Variants in LAMA4 observed in about 807,000 individuals in gnomAD.
LAMA4 encodes the protein laminin subunit alpha-4.
Under a neutral mutation model 207.1 loss-of-function variants are expected in LAMA4, and 127 were observed. That is an observed-to-expected ratio of 0.61 (90% CI 0.53 to 0.71). LAMA4 has a LOEUF of 0.71. Among genes scored for constraint, LAMA4 ranks in the 30% least tolerant of loss-of-function variants. LAMA4 has a pLI of 0.00. For missense variants in LAMA4, 2,093 were observed against 2,246.5 expected (o/e 0.93, Z 1.38); for synonymous variants, 761 against 816.0 (o/e 0.93, Z 1.15).
intron 5 of LAMA4, among the ~76,000 whole-genome samples, chr6:112,197,830 G>C (rs1203805748): frequency 1.3e-5 from 2 of 152,138 alleles, no homozygotes; most frequent in Non-Finnish European, 2.9e-5. Flanking sequence ...CCAATTGTCT[G>C]TAATGTGTCA....
chr6:112,212,306 C>A (rs1296485877), intron 3 of LAMA4, among the ~76,000 whole-genome samples: 1 of 151,632 alleles, frequency 6.6e-6, no homozygotes. Context: ...TTACTGCAAC[C>A]TCCACTTCCT....
chr6:112,154,271 T>C (rs964699312), intron 16 of LAMA4, among the ~76,000 whole-genome samples: 3 of 150,404 alleles, frequency 2.0e-5, no homozygotes, highest in Non-Finnish European at 4.4e-5. Context: ...CTTCAGCAGA[T>C]GCAAACACTG....
At chr6:112,122,934 GATT>G (rs1562632232) in intron 31 of LAMA4, among the ~76,000 whole-genome samples, 1 of 152,184 alleles carries the variant, frequency 6.6e-6, no homozygotes, top group African/African-American at 2.4e-5. Flanking sequence ...GGAAATCCAT[GATT>G]ATACATGCCT....
At chr6:112,206,721 G>T (rs1784079065) in intron 4 of LAMA4, among the ~76,000 whole-genome samples, 1 of 152,198 alleles carries the variant, frequency 6.6e-6, no homozygotes, top group African/African-American at 2.4e-5. Context: ...TCTAGGTCAA[G>T]AGAAAGTCAA....
At chr6:112,109,916 TG>T (rs1266089638) in intron 38 of LAMA4, among the ~76,000 whole-genome samples, 4 of 152,216 alleles carry the variant, frequency 2.6e-5, no homozygotes, top group African/African-American at 9.6e-5. Flanking sequence ...TAATTTCACC[TG>T]GGCCTCACTT....
Position 112,122,003 on chromosome 6 carries a change from T to C in LAMA4, c.4475+11A>G. On this transcript the variant is annotated intron_variant, in intron 32 of 38. Transcript: ENST00000230538. ...TCATTAGGAGTCTAGGAGTATAGTGTGTTACTTTACTTGGCACCAAAATCT... is the reference window on the plus strand; with the variant it reads ...TCATTAGGAGTCTAGGAGTATAGTGCGTTACTTTACTTGGCACCAAAATCT... 1 of 1,608,916 alleles carries C rather than the reference T, an allele frequency of 6.2e-7. No homozygotes were observed. The highest frequency in any genetic ancestry group is 8.5e-7 in the Non-Finnish European group (1 of 1,175,332).
At chr6:112,221,001 G>A (rs1214228928) in intron 2 of LAMA4, among the ~76,000 whole-genome samples, 1 of 152,148 alleles carries the variant, frequency 6.6e-6, no homozygotes, top group South Asian at 2.1e-4. Context: ...CAGAATTTCT[G>A]TTGAGAAGCC....
chr6:112,189,509 T>A (rs1451803924), intron 6 of LAMA4, among the ~76,000 whole-genome samples: 1 of 152,170 alleles, frequency 6.6e-6, no homozygotes, highest in Non-Finnish European at 1.5e-5. Flanking sequence ...AGTCCAAAAA[T>A]GTCCTGGTAA....
intron 3 of LAMA4, among the ~76,000 whole-genome samples, chr6:112,211,581 G>A (rs1231239705): frequency 1.3e-5 from 2 of 152,192 alleles, no homozygotes; most frequent in South Asian, 4.1e-4. Context: ...AGTGTGTGAA[G>A]GCTATGTCTG....
At chr6:112,245,663 A>G (rs932962020) in intron 2 of LAMA4, among the ~76,000 whole-genome samples, 3 of 24,990 alleles carry the variant, frequency 1.2e-4, no homozygotes, top group Admixed American at 4.8e-4. Context: ...TGACTGGTCT[A>G]CTCTGCAAAG....
At chr6:112,195,944 C>A (rs1193981911) in intron 5 of LAMA4, among the ~76,000 whole-genome samples, 1 of 145,344 alleles carries the variant, frequency 6.9e-6, no homozygotes, top group Non-Finnish European at 1.5e-5. Context: ...TAAGTACACA[C>A]ACACACACAC....
chr6:112,153,659 ATCT>A (rs1452117625), intron 16 of LAMA4, among the ~76,000 whole-genome samples: 1 of 152,108 alleles, frequency 6.6e-6, no homozygotes, highest in African/African-American at 2.4e-5. Context: ...ACACATTCTG[ATCT>A]TCACAAGAAA....
At chr6:112,190,403 T>C (rs1446360684) in intron 6 of LAMA4, among the ~76,000 whole-genome samples, 1 of 152,212 alleles carries the variant, frequency 6.6e-6, no homozygotes, top group Non-Finnish European at 1.5e-5. Context: ...AGAACATATA[T>C]GTTGCATTTT....
chr6:112,164,357 G>A (rs2114826380), intron 13 of LAMA4, among the ~76,000 whole-genome samples: 1 of 152,278 alleles, frequency 6.6e-6, no homozygotes, highest in East Asian at 1.9e-4. Context: ...TGGTGCTCTG[G>A]GAGGGAGGTG....
Position 112,133,355 on chromosome 6 carries a change from G to A in LAMA4, c.3690C>T (p.Asp1230=). 6.2e-7 allele frequency: 1 copy of A among 1,613,718 alleles called. No homozygotes were observed. The highest frequency in any genetic ancestry group is 8.5e-7 in the Non-Finnish European group (1 of 1,179,676). ...TTGACTGAGTGGTTCTTACAAGTGA[G>A]TCTTCTGGGCATCCATAACCAACTC... ...TLGVGYGCPE[D]SLISRRAYFN... The change falls in exon 27 of 39, where the codon GAC becomes GAT. Residue 1230 remains aspartate, a synonymous_variant. Transcript: ENST00000230538.
At chr6:112,131,552 T>C (rs1489279258) in intron 28 of LAMA4, among the ~76,000 whole-genome samples, 1 of 152,160 alleles carries the variant, frequency 6.6e-6, no homozygotes, top group East Asian at 1.9e-4. Flanking sequence ...GCAAGTTAGC[T>C]CTTCTTATCT....
At chr6:112,177,382 A>T (rs1554344148) in intron 10 of LAMA4, among the ~76,000 whole-genome samples, 1 of 152,020 alleles carries the variant, frequency 6.6e-6, no homozygotes, top group Admixed American at 6.5e-5. Context: ...CTTAATATAT[A>T]GTATAATAAA....
rs782576711 is a variant in LAMA4, at chr6:112,207,033, G to T, written c.410C>A (p.Pro137His). The T allele has an allele frequency of 3.7e-6, 6 of 1,613,884 alleles. No individual in the cohort carries two copies. The highest frequency in any genetic ancestry group is 5.1e-6 in the Non-Finnish European group (6 of 1,179,932). Residue 137 changes from proline (P) to histidine (H), a missense_variant, in exon 4 of 39, where the codon CCC (proline) becomes CAC (histidine). Physicochemically the swap from Pro to His is moderately conservative, Grantham distance 77. This residue lies in a region of LAMA4 where 1,704 missense variants were observed against 1,788.4 expected (regional missense o/e 0.95). Transcript: ENST00000230538. ...CTTTAGGACTTACTTGGCCAAGTGG[G>T]GCAGGGGACAGGGGCACGGCTGGCA... ...QFCQPCPCPL[P>H]HLANFAESCY...
chr6:112,160,345 C>A (rs1310573015), intron 13 of LAMA4, among the ~76,000 whole-genome samples: 1 of 152,174 alleles, frequency 6.6e-6, no homozygotes, highest in Non-Finnish European at 1.5e-5. Context: ...ATAAAGCATG[C>A]TGCCCCATTG....
Sources: gnomAD v4.1 joint callset for allele counts (sites outside exome capture counted in the v4.1 genomes callset) on GRCh38, gnomAD v4.1.1 for gene constraint, gnomAD v4.1.1 regional missense constraint, MANE v1.5 for transcripts, NCBI Gene and HGNC (gene_info 2026-07-23, HGNC 2026-07-21) for gene names.